Variants in FLVCR2 observed in about 807,000 individuals in gnomAD.
FLVCR2 encodes choline/ethanolamine transporter FLVCR2.
A neutral mutation model predicts 48.9 loss-of-function variants in FLVCR2; 38 were observed. That is an observed-to-expected ratio of 0.78 (90% CI 0.60 to 1.02). The LOEUF (loss-of-function observed/expected upper bound fraction) is 1.02. FLVCR2 is among the 50% of genes least tolerant of loss of function. FLVCR2 has a pLI of 0.00. For synonymous variants in FLVCR2, 255 were observed against 257.0 expected (o/e 0.99, Z 0.07); for missense variants, 664 against 663.3 (o/e 1.00, Z -0.01).
chr14:75,584,057 G>T (rs947636443), intron 1 of FLVCR2, among the ~76,000 whole-genome samples: 1 of 152,202 alleles, frequency 6.6e-6, no homozygotes, highest in South Asian at 2.1e-4. Context: ...CTCCACTGGG[G>T]GCCCGCACAG....
chr14:75,599,714 A>G (rs1260596118), intron 1 of FLVCR2, among the ~76,000 whole-genome samples: 1 of 152,232 alleles, frequency 6.6e-6, no homozygotes, highest in African/African-American at 2.4e-5. Flanking sequence ...ACTTACTACA[A>G]AGCTACAGTA....
intron 3 of FLVCR2, among the ~76,000 whole-genome samples, chr14:75,625,809 T>C (rs1889887936): frequency 1.3e-5 from 2 of 151,998 alleles, no homozygotes; most frequent in African/African-American, 4.9e-5. Context: ...GTGCTTTTCA[T>C]ATCTGATTTT....
chr14:75,618,835 C>G (rs1889681676), intron 1 of FLVCR2, among the ~76,000 whole-genome samples: 1 of 151,908 alleles, frequency 6.6e-6, no homozygotes, highest in African/African-American at 2.4e-5. Context: ...AGGAGCCCAG[C>G]TCCTCTGCTA....
intron 9 of FLVCR2, among the ~76,000 whole-genome samples, chr14:75,644,777 A>G (rs1397302389): frequency 6.6e-6 from 1 of 152,162 alleles, no homozygotes; most frequent in Non-Finnish European, 1.5e-5. Flanking sequence ...ATTCATTGTC[A>G]GAGTCAGGTG....
chr14:75,645,291 G>C (rs1205167791), intron 9 of FLVCR2, among the ~76,000 whole-genome samples: 3 of 152,198 alleles, frequency 2.0e-5, no homozygotes, highest in African/African-American at 7.2e-5. Flanking sequence ...TTCTGTCTTA[G>C]CCCTGTGCAT....
intron 3 of FLVCR2, among the ~76,000 whole-genome samples, 169 bp downstream of exon 3, chr14:75,624,921 A>ATTTCCCCATTAGACTG (rs1889861005): frequency 2.6e-5 from 4 of 152,004 alleles, no homozygotes; most frequent in African/African-American, 9.7e-5. Flanking sequence ...CATGTGTTGT[A>ATTTCCCCATTAGACTG]AAGTCCACCT....
chr14:75,626,117 G>A (rs1431406130), intron 3 of FLVCR2, among the ~76,000 whole-genome samples: 1 of 152,012 alleles, frequency 6.6e-6, no homozygotes, highest in Admixed American at 6.5e-5. Flanking sequence ...TCAGCCTCCC[G>A]AGTAGCTGGG....
chr14:75,633,423 G>C (rs1029932040), intron 3 of FLVCR2, among the ~76,000 whole-genome samples: 1 of 152,182 alleles, frequency 6.6e-6, no homozygotes, highest in Non-Finnish European at 1.5e-5. Flanking sequence ...AAGGTTAAAT[G>C]GTTACTTTTG....
chr14:75,612,798 C>A (rs533686295), intron 1 of FLVCR2, among the ~76,000 whole-genome samples: 1 of 152,168 alleles, frequency 6.6e-6, no homozygotes, highest in South Asian at 2.1e-4. Flanking sequence ...TCCCAAGACC[C>A]CCTGCCAAAC....
intron 3 of FLVCR2, among the ~76,000 whole-genome samples, chr14:75,629,800 A>C (rs1372643959): frequency 6.6e-6 from 1 of 152,252 alleles, no homozygotes; most frequent in African/African-American, 2.4e-5. Context: ...ACTTGCTGCC[A>C]GCAAGATTAT....
chr14:75,625,860 T>C (rs1412003752), intron 3 of FLVCR2, among the ~76,000 whole-genome samples: 1 of 152,006 alleles, frequency 6.6e-6, no homozygotes, highest in Non-Finnish European at 1.5e-5. Flanking sequence ...GGTACTAAAA[T>C]TATCCCTATT....
In FLVCR2 at chr14:75,646,439, A is replaced by G; in HGVS notation, c.1548A>G (p.Lys516=). 6.2e-7 allele frequency: 1 copy of G among 1,614,056 alleles called. No individual in the cohort carries two copies. The highest frequency in any genetic ancestry group is 8.5e-7 in the Non-Finnish European group (1 of 1,179,922). The stretch of plus-strand genomic sequence containing the variant: ...AGGAGGAGGAGAGCAACACCAGCAA[A>G]GTGCCCACTGCTGTGTCAGAGGATC... ...QEEEEESNTS[K]VPTAVSEDHL is the part of the protein sequence containing the mutation. The change falls in exon 10 of 10, where the codon AAA becomes AAG. Residue 516 remains lysine (K), a synonymous_variant. Coordinates refer to ENST00000238667, the MANE Select transcript of FLVCR2 (RefSeq NM_017791.3).
At chr14:75,641,997 T>A in intron 9 of FLVCR2, 99 bp downstream of exon 9, 1 of 1,089,352 alleles carries the variant, frequency 9.2e-7, no homozygotes, top group South Asian at 1.3e-5. Flanking sequence ...CCACAGGGAC[T>A]GGTTTTGTCA....
intron 1 of FLVCR2, among the ~76,000 whole-genome samples, chr14:75,590,991 T>C (rs762123013): frequency 9.2e-5 from 14 of 152,240 alleles, no homozygotes; most frequent in Non-Finnish European, 2.1e-4. Context: ...TATGAGCTTA[T>C]AAACTCTAAA....
chr14:75,606,312 C>A (rs1218084434), intron 1 of FLVCR2, among the ~76,000 whole-genome samples: 1 of 152,166 alleles, frequency 6.6e-6, no homozygotes, highest in Non-Finnish European at 1.5e-5. Context: ...CAGATGTGAG[C>A]CACCACCCTG....
At chr14:75,596,310 A>G (rs17103508) in intron 1 of FLVCR2, 155,084 of 449,716 alleles carry the variant, frequency 0.34, 35,820 homozygotes, top group African/African-American at 0.77. Context: ...TGGGAGCAGA[A>G]AACAAGGCCA....
chr14:75,584,376 A>G (rs1018115949), intron 1 of FLVCR2, among the ~76,000 whole-genome samples: 1 of 152,196 alleles, frequency 6.6e-6, no homozygotes, highest in African/African-American at 2.4e-5. Flanking sequence ...GCTTTTTTCT[A>G]ACATCAGGAG....
chr14:75,616,735 T>C (rs1224161588), intron 1 of FLVCR2, among the ~76,000 whole-genome samples: 3 of 152,004 alleles, frequency 2.0e-5, no homozygotes, highest in Non-Finnish European at 4.4e-5. Context: ...GAGGAATGAG[T>C]TTCAGTAGGT....
At chr14:75,591,910 T>C (rs1280356055) in intron 1 of FLVCR2, among the ~76,000 whole-genome samples, 1 of 147,846 alleles carries the variant, frequency 6.8e-6, no homozygotes, top group Non-Finnish European at 1.5e-5. Context: ...CCTCTGAGGC[T>C]CAATCAATCT....
Sources: allele counts gnomAD v4.1 joint callset (sites outside exome capture counted in the v4.1 genomes callset), GRCh38; gene constraint gnomAD v4.1.1; transcripts MANE v1.5; gene names NCBI Gene and HGNC (gene_info 2026-07-23, HGNC 2026-07-21).